WASF2: variants seen among roughly 807,000 people sequenced by gnomAD.
WASF2 encodes the protein WASP family member 2, also known as actin-binding protein WASF2.
A neutral mutation model predicts 45.0 loss-of-function variants in WASF2; 14 were observed. The observed-to-expected ratio is 0.31, with a 90% CI of 0.21 to 0.49. The LOEUF (loss-of-function observed/expected upper bound fraction) is 0.49. WASF2 is among the 20% of genes least tolerant of loss of function. The probability of loss-of-function intolerance (pLI) is 0.99; values close to 1 mark genes in which losing one functional copy is unlikely to be tolerated. For synonymous variants in WASF2, 200 were observed against 236.3 expected (o/e 0.85, Z 1.41); for missense variants, 439 against 636.1 (o/e 0.69, Z 3.33).
intron 1 of WASF2, among the ~76,000 whole-genome samples, chr1:27,479,987 G>A (rs886564054): frequency 2.6e-5 from 4 of 152,202 alleles, no homozygotes; most frequent in Non-Finnish European, 4.4e-5. Flanking sequence ...AATGCTGAAG[G>A]AACTTTAAAA....
chr1:27,432,508 C>T (rs979334636), intron 1 of WASF2, among the ~76,000 whole-genome samples: 10 of 151,366 alleles, frequency 6.6e-5, no homozygotes, highest in Admixed American at 2.0e-4. Context: ...ATTAGCTGGG[C>T]GCGGTGGCAG....
At chr1:27,448,454 T>C (rs1033486509) in intron 1 of WASF2, among the ~76,000 whole-genome samples, 4 of 152,104 alleles carry the variant, frequency 2.6e-5, no homozygotes, top group Non-Finnish European at 5.9e-5. Flanking sequence ...TAAAAAGTGA[T>C]GAAACTCAGT....
chr1:27,473,991 G>A (rs374237536), intron 1 of WASF2, among the ~76,000 whole-genome samples: 1 of 152,178 alleles, frequency 6.6e-6, no homozygotes, highest in Non-Finnish European at 1.5e-5. Context: ...TGTGATGCGG[G>A]AGGAAACCAG....
chr1:27,438,299 T>C (rs1571137680), intron 1 of WASF2, among the ~76,000 whole-genome samples: 1 of 152,184 alleles, frequency 6.6e-6, no homozygotes, highest in East Asian at 1.9e-4. Flanking sequence ...CTGTACTAGG[T>C]TAAACTTCCT....
intron 1 of WASF2, among the ~76,000 whole-genome samples, chr1:27,436,108 G>C (rs1031594075): frequency 6.6e-6 from 1 of 152,136 alleles, no homozygotes; most frequent in Non-Finnish European, 1.5e-5. Flanking sequence ...TATGAGAAGA[G>C]GTTTACTCTT....
chr1:27,454,185 ATATTTTTTTTTT>A (rs1350856715), intron 1 of WASF2, among the ~76,000 whole-genome samples: 252 of 7,932 alleles, frequency 0.032, no homozygotes, highest in African/African-American at 0.08. Flanking sequence ...ATATATATAT[ATATTTTTTTTTT>A]TTTTTTTTTT....
Position 27,412,612 on chromosome 1 carries a change from A to G in WASF2, c.784T>C (p.Phe262Leu). 6.2e-7 allele frequency: 1 copy of G among 1,614,238 alleles called. No homozygotes were observed. The highest frequency in any genetic ancestry group is 8.5e-7 in the Non-Finnish European group (1 of 1,180,044). Residue 262 changes from phenylalanine (F) to leucine (L), a missense_variant, in exon 7 of 9, where the codon TTC becomes CTC. Physicochemically the swap from Phe to Leu is conservative, Grantham distance 22. This residue lies in a region of WASF2 where 286 missense variants were observed against 373.5 expected (regional missense o/e 0.77). Transcript: ENST00000618852. ...SDSASSPSPS[F>L]SEDNLPPPPA... The stretch of plus-strand genomic sequence containing the variant: ...GGAGGAGGCAAGTTGTCCTCGGAGA[A>G]GGAAGGAGAAGGTGAAGAAGCAGAG...
In WASF2 at chr1:27,477,907, AAAATAAATAAAT is replaced by A. The variant is rs1182942868; in HGVS notation, c.-44+12067_-44+12078del. 4.6e-4 allele frequency among the ~76,000 whole-genome samples: 68 copies of A among 146,372 alleles called. 11 individuals are homozygous for A. The highest frequency in any genetic ancestry group is 1.7e-3 in the African/African-American group (65 of 37,976). On this transcript the variant is annotated intron_variant, in intron 1 of 8. Coordinates refer to ENST00000618852, the MANE Select transcript of WASF2 (RefSeq NM_006990.5). ...GAGCGAGACTCCGTCTCAAAAAAAA[AAAATAAATAAAT>A]AAAAAAAAAAATAAAAATAAATAAA...
chr1:27,417,626 T>C (rs2016844586), intron 4 of WASF2, among the ~76,000 whole-genome samples: 1 of 152,216 alleles, frequency 6.6e-6, no homozygotes, highest in Non-Finnish European at 1.5e-5. Context: ...ATGACAAAAC[T>C]ACCAAACCAC....
intron 1 of WASF2, among the ~76,000 whole-genome samples, chr1:27,488,904 C>T (rs2017983346): frequency 1.3e-5 from 2 of 152,140 alleles, no homozygotes; most frequent in South Asian, 4.1e-4. Context: ...ACTCAGTTTC[C>T]TTATGTGTAA....
intron 1 of WASF2, among the ~76,000 whole-genome samples, chr1:27,453,584 T>A: frequency 1.0e-5 from 1 of 95,952 alleles, no homozygotes; most frequent in Non-Finnish European, 1.9e-5. Context: ...AGAGCAAGAC[T>A]CTGTCTCAAA....
chr1:27,442,111 A>G (rs908950400), intron 1 of WASF2, among the ~76,000 whole-genome samples: 57 of 137,278 alleles, frequency 4.2e-4, no homozygotes, highest in Admixed American at 1.5e-3. Context: ...CTTCATCTCT[A>G]AAAAAAAAAT....
chr1:27,479,306 C>T (rs115621929), intron 1 of WASF2, among the ~76,000 whole-genome samples: 2,484 of 151,624 alleles, frequency 0.016, 33 homozygotes, highest in South Asian at 0.057. Flanking sequence ...AAAATCTTGG[C>T]TAGGCTTGGT....
chr1:27,430,170 G>A (rs2017042132), intron 1 of WASF2, among the ~76,000 whole-genome samples: 1 of 152,162 alleles, frequency 6.6e-6, no homozygotes, highest in African/African-American at 2.4e-5. Context: ...GGATAGGAGA[G>A]GGTTTTAATT....
chr1:27,420,399 CA>C (rs1343861239), intron 2 of WASF2, among the ~76,000 whole-genome samples: 1 of 151,954 alleles, frequency 6.6e-6, no homozygotes, highest in African/African-American at 2.4e-5. Context: ...GGAGAATTTG[CA>C]GCCAAAGAAA....
chr1:27,452,968 G>A (rs1489019567), intron 1 of WASF2, among the ~76,000 whole-genome samples: 1 of 151,702 alleles, frequency 6.6e-6, no homozygotes, highest in Non-Finnish European at 1.5e-5. Flanking sequence ...CACTTTGGGA[G>A]GCTGAGGTGG....
At chr1:27,435,166 C>T (rs1299307693) in intron 1 of WASF2, among the ~76,000 whole-genome samples, 1 of 152,084 alleles carries the variant, frequency 6.6e-6, no homozygotes, top group African/African-American at 2.4e-5. Flanking sequence ...AGGCTGGTCT[C>T]GAACTCCTGA....
chr1:27,416,215 C>A, intron 4 of WASF2, 113 bp from the exon 5 acceptor site: 2 of 874,034 alleles, frequency 2.3e-6, no homozygotes, highest in Non-Finnish European at 3.8e-6. Flanking sequence ...ATCAAGAAGT[C>A]ATTTGAATCG....
At chr1:27,462,834 TATTTTA>T (rs1466905761) in intron 1 of WASF2, among the ~76,000 whole-genome samples, 1 of 152,184 alleles carries the variant, frequency 6.6e-6, no homozygotes, top group Non-Finnish European at 1.5e-5. Flanking sequence ...TTATTTTTAT[TATTTTA>T]ATTTTTTTTT....
Sources: gnomAD v4.1 joint callset for allele counts (sites outside exome capture counted in the v4.1 genomes callset) on GRCh38, gnomAD v4.1.1 for gene constraint, gnomAD v4.1.1 regional missense constraint, MANE v1.5 for transcripts, NCBI Gene and HGNC (gene_info 2026-07-23, HGNC 2026-07-21) for gene names.